The following ZNF652 variants were observed in gnomAD, a reference collection of about 807,000 sequenced individuals.
The protein encoded by ZNF652 is zinc finger protein 652.
A neutral mutation model predicts 45.2 loss-of-function variants in ZNF652; 16 were observed. The observed-to-expected ratio is 0.35, with a 90% CI of 0.24 to 0.54. ZNF652 has a LOEUF of 0.54. Among genes scored for constraint, ZNF652 ranks in the 20% least tolerant of loss-of-function variants. The probability of loss-of-function intolerance (pLI) is 0.91; values close to 1 mark genes in which losing one functional copy is unlikely to be tolerated. For synonymous variants in ZNF652, 250 were observed against 260.6 expected (o/e 0.96, Z 0.39); for missense variants, 614 against 765.6 (o/e 0.80, Z 2.34).
In ZNF652 at chr17:49,317,668, C is replaced by T. The variant is rs1443531826; in HGVS notation, c.58G>A (p.Ala20Thr). 12 of 1,612,072 alleles carry T rather than the reference C, an allele frequency of 7.4e-6. No individual in the cohort carries two copies. The highest frequency in any genetic ancestry group is 1.3e-5 in the African/African-American group (1 of 74,886). ...CGGCTATCTTCTTGTGCCATTCCTG[C>T]TACATGCACAGCACAGTTTTCAACC... ...ELVENCAVHV[A>T]GMAQEDSRRG... Residue 20 changes from alanine (A) to threonine (T), a missense_variant, in exon 2 of 6, where the codon GCA becomes ACA. This residue lies in a region of ZNF652 where 133 missense variants were observed against 132.2 expected (regional missense o/e 1.01). Transcript: ENST00000430262.
intron 1 of ZNF652, among the ~76,000 whole-genome samples, chr17:49,331,909 C>G (rs902299461): frequency 2.0e-5 from 3 of 152,138 alleles, no homozygotes; most frequent in African/African-American, 7.2e-5. Context: ...GCGGAGCTTG[C>G]AGTGAGCTGA....
rs143776240 is a variant in ZNF652, at chr17:49,291,951, A to G, written c.*6462T>C. Among the ~76,000 whole-genome samples the G allele has an allele frequency of 1.5e-3, 234 of 152,292 alleles. No homozygotes were observed. Among genetic ancestry groups the G allele is most frequent in the Middle Eastern group, 6.8e-3 (2 of 294 alleles). On this transcript the variant is annotated 3_prime_UTR_variant, in exon 6 of 6. Transcript: ENST00000430262. ...ATTTATTCATCATCAAACATAACCA[A>G]TTCTCACAATTTTGCACTATCTCAC...
intron 5 of ZNF652, among the ~76,000 whole-genome samples, chr17:49,310,841 G>T (rs781549111): frequency 6.6e-6 from 1 of 152,204 alleles, no homozygotes; most frequent in South Asian, 2.1e-4. Flanking sequence ...GGCGGAGGCT[G>T]CAGTGAGCTG....
At chr17:49,312,550 G>A (rs769409954) in intron 3 of ZNF652, 148 bp downstream of exon 3, 7 of 770,954 alleles carry the variant, frequency 9.1e-6, no homozygotes, top group Non-Finnish European at 1.4e-5. Flanking sequence ...ATCCAATTTG[G>A]TGATACTTAC....
chr17:49,300,659 C>T (rs539122817), intron 5 of ZNF652, among the ~76,000 whole-genome samples: 24 of 152,270 alleles, frequency 1.6e-4, no homozygotes, highest in African/African-American at 5.3e-4. Flanking sequence ...TGCATCAGTC[C>T]TCCATATCTA....
chr17:49,318,700 A>G (rs1273858053), intron 1 of ZNF652, among the ~76,000 whole-genome samples: 2 of 152,208 alleles, frequency 1.3e-5, no homozygotes, highest in African/African-American at 2.4e-5. Flanking sequence ...TTGGGCATGA[A>G]ACACGCAAGA....
intron 1 of ZNF652, among the ~76,000 whole-genome samples, chr17:49,349,548 G>A (rs2070248246): frequency 6.6e-6 from 1 of 152,196 alleles, no homozygotes; most frequent in South Asian, 2.1e-4. Flanking sequence ...CTCAAGATCA[G>A]TAGCTTTTTC....
At chr17:49,307,323 T>TGA (rs1167357320) in intron 5 of ZNF652, among the ~76,000 whole-genome samples, 1 of 147,926 alleles carries the variant, frequency 6.8e-6, no homozygotes, top group Admixed American at 6.8e-5. Flanking sequence ...CCCAGCTACT[T>TGA]GAGAGGCTGA....
intron 1 of ZNF652, among the ~76,000 whole-genome samples, chr17:49,331,387 C>T (rs2070023514): frequency 6.6e-6 from 1 of 152,128 alleles, no homozygotes; most frequent in South Asian, 2.1e-4. Context: ...TCCCAAAGTG[C>T]TGGGATTACA....
intron 5 of ZNF652, among the ~76,000 whole-genome samples, 169 bp from the exon 6 acceptor site, chr17:49,299,093 G>C (rs1218155713): frequency 1.3e-5 from 2 of 151,978 alleles, no homozygotes; most frequent in African/African-American, 4.8e-5. Flanking sequence ...TGCGATTACA[G>C]GTGTGAGCCA....
intron 1 of ZNF652, among the ~76,000 whole-genome samples, chr17:49,343,330 G>A (rs1187169845): frequency 6.6e-6 from 1 of 152,140 alleles, no homozygotes; most frequent in Non-Finnish European, 1.5e-5. Context: ...ATAAACTCCA[G>A]AGAAGTTACT....
In ZNF652 at chr17:49,292,415, C is replaced by T. The variant is rs1396657159; in HGVS notation, c.*5998G>A. ...CTTCATATATTATGGATCCATCATA[C>T]ATTTTAAACAAATTAGATGAAAACA... On this transcript the variant is annotated 3_prime_UTR_variant, in exon 6 of 6. Transcript: ENST00000430262. Among the ~76,000 whole-genome samples the T allele has an allele frequency of 6.6e-6, 1 of 152,144 alleles. No homozygotes were observed. Among genetic ancestry groups the T allele is most frequent in the East Asian group, 1.9e-4 (1 of 5,196 alleles).
At chr17:49,303,331 T>G (rs1006415852) in intron 5 of ZNF652, among the ~76,000 whole-genome samples, 6 of 144,122 alleles carry the variant, frequency 4.2e-5, no homozygotes, top group African/African-American at 1.6e-4. Context: ...ACCTCCGCCT[T>G]CTGGGTTTGA....
chr17:49,317,806 T>G lies in ZNF652; in HGVS notation c.-81A>C, dbSNP rs1289258072. On this transcript the variant is annotated 5_prime_UTR_variant, in exon 2 of 6. Coordinates refer to ENST00000430262, the MANE Select transcript of ZNF652 (RefSeq NM_001145365.3). The stretch of plus-strand genomic sequence containing the variant: ...CAAGGTAATTATTAAGACTCAAATC[T>G]TTTCTCATCCACAAAGAATCACTCA... 7.5e-7 allele frequency: 1 copy of G among 1,341,816 alleles called. No homozygotes were observed. The highest frequency in any genetic ancestry group is 1.5e-5 in the African/African-American group (1 of 68,082). 83.1% of individuals were successfully genotyped at this position (1,341,816 alleles called of 1,614,324 possible). A position where few individuals can be genotyped will look rare whatever the true frequency, so the allele number is the denominator to read the frequency against.
At chr17:49,312,902 C>T in intron 2 of ZNF652, 57 bp from the exon 3 acceptor site, 2 of 1,552,464 alleles carry the variant, frequency 1.3e-6, no homozygotes, top group Non-Finnish European at 1.7e-6. Context: ...CCATACCAGC[C>T]TACTGGCAGA....
intron 2 of ZNF652, 42 bp from the exon 3 acceptor site, chr17:49,312,887 G>A: frequency 6.3e-7 from 1 of 1,587,928 alleles, no homozygotes; most frequent in East Asian, 2.2e-5. Context: ...GGGGCTTACA[G>A]CATGCCATAC....
intron 1 of ZNF652, among the ~76,000 whole-genome samples, chr17:49,361,375 A>T (rs973655301): frequency 1.3e-5 from 2 of 152,028 alleles, no homozygotes; most frequent in African/African-American, 2.4e-5. Context: ...GTGGGGGTGG[A>T]GAAAGGTCTG....
At chr17:49,345,073 A>G (rs11657365) in intron 1 of ZNF652, among the ~76,000 whole-genome samples, 118,400 of 152,116 alleles carry the variant, frequency 0.78, 46,284 homozygotes, top group African/African-American at 0.84. Flanking sequence ...GAGGGGCCCT[A>G]AGAGTAAGAA....
At position 49,295,942 on chromosome 17, in the gene ZNF652, A is replaced by AAAAAAAC. The variant is rs2069469050; in HGVS notation, c.*2470_*2471insGTTTTTT. ...AACAGAACAAGACTCTGCCTCAAAA[A>AAAAAAAC]AAAAAAAAAAAAAAAAAAAAAAACA... On this transcript the variant is annotated 3_prime_UTR_variant, in exon 6 of 6. Transcript: ENST00000430262. 2.3e-5 allele frequency: 2 copies of AAAAAAAC among 88,764 alleles called. No individual in the cohort carries two copies. Among genetic ancestry groups the AAAAAAAC allele is most frequent in the African/African-American group, 9.0e-5 (2 of 22,264 alleles). The allele number at this position is 88,764 out of a possible 1,614,324, so 5.5% of individuals were successfully genotyped here. A position where few individuals can be genotyped will look rare whatever the true frequency, so the allele number is the denominator to read the frequency against.
Sources: allele counts gnomAD v4.1 joint callset (sites outside exome capture counted in the v4.1 genomes callset), GRCh38; gene constraint gnomAD v4.1.1; regional missense constraint gnomAD v4.1.1; transcripts MANE v1.5; gene names NCBI Gene and HGNC (gene_info 2026-07-23, HGNC 2026-07-21).